Variants in PPTC7 observed in about 807,000 individuals in gnomAD.
PPTC7 encodes the protein protein phosphatase targeting COQ7, also known as protein phosphatase PTC7 homolog.
Under a neutral mutation model 30.8 loss-of-function variants are expected in PPTC7, and 6 were observed. The observed-to-expected ratio is 0.19, with a 90% CI of 0.11 to 0.38. PPTC7 has a LOEUF of 0.38. PPTC7 is among the 10% of genes least tolerant of loss of function. The probability of loss-of-function intolerance (pLI) is 1.00; values close to 1 mark genes in which losing one functional copy is unlikely to be tolerated. For missense variants in PPTC7, 218 were observed against 404.8 expected, an observed-to-expected ratio of 0.54 and a Z score of 3.96; for synonymous variants, 163 against 168.1, an observed-to-expected ratio of 0.97 and a Z score of 0.23.
chr12:110,571,746 T>G (rs911278353), intron 1 of PPTC7, among the ~76,000 whole-genome samples: 4 of 152,236 alleles, frequency 2.6e-5, no homozygotes, highest in Non-Finnish European at 5.9e-5. Context: ...ATACTAACCT[T>G]GTTATTCAAA....
At chr12:110,582,049 C>G (rs1034074113) in intron 1 of PPTC7, among the ~76,000 whole-genome samples, 1 of 152,192 alleles carries the variant, frequency 6.6e-6, no homozygotes, top group Admixed American at 6.5e-5. Context: ...CTCCCACCCC[C>G]AAAAGGTATA....
intron 1 of PPTC7, among the ~76,000 whole-genome samples, chr12:110,563,623 A>G (rs1479597325): frequency 6.6e-6 from 1 of 152,236 alleles, no homozygotes; most frequent in Non-Finnish European, 1.5e-5. Context: ...CTCAAAAAAA[A>G]AAAAAAGTGT....
chr12:110,545,749 C>T (rs1362174794), intron 3 of PPTC7, 131 bp downstream of exon 3: 2 of 767,870 alleles, frequency 2.6e-6, no homozygotes, highest in Non-Finnish European at 4.3e-6. Context: ...ACTAAAAGGT[C>T]CTCTTGATGA....
chr12:110,551,657 A>T, intron 2 of PPTC7, 132 bp downstream of exon 2: 1 of 835,238 alleles, frequency 1.2e-6, no homozygotes, highest in South Asian at 1.8e-5. Flanking sequence ...GTTAGCCTAT[A>T]GTTTCTCTAT....
rs1195419999 is a variant in PPTC7 at position 110,534,319 on chromosome 12, G to GA, written c.*2717dup. On this transcript the variant is annotated 3_prime_UTR_variant, in exon 6 of 6. Coordinates refer to ENST00000354300, the MANE Select transcript of PPTC7 (RefSeq NM_139283.2). Reference sequence around the variant, plus strand: ...ACTTTACTGGTCTTTGGTGCATCCAGAGAGGGATAAATAATTTGCCATTTG... The same window carrying GA: ...ACTTTACTGGTCTTTGGTGCATCCAGAAGAGGGATAAATAATTTGCCATTTG... 1 of 152,180 alleles carries GA rather than the reference G, an allele frequency of 6.6e-6. No individual in the cohort carries two copies. The highest frequency in any genetic ancestry group is 1.5e-5 in the Non-Finnish European group (1 of 68,046). The allele number at this position is 152,180 out of a possible 1,614,324, so 9.4% of individuals were successfully genotyped here. A position where few individuals can be genotyped will look rare whatever the true frequency, so the allele number is the denominator to read the frequency against.
intron 1 of PPTC7, among the ~76,000 whole-genome samples, chr12:110,581,301 C>G (rs758518864): frequency 6.6e-6 from 1 of 152,050 alleles, no homozygotes; most frequent in Non-Finnish European, 1.5e-5. Context: ...ATAATCCCAG[C>G]TACTCGGGAG....
intron 1 of PPTC7, among the ~76,000 whole-genome samples, chr12:110,553,010 C>T (rs1470583204): frequency 2.0e-5 from 3 of 151,930 alleles, no homozygotes; most frequent in Admixed American, 6.5e-5. Context: ...GGTGAAACCC[C>T]GTTTCTACTA....
Position 110,538,283 on chromosome 12 carries a change from A to T in PPTC7, c.727-10T>A. On this transcript the variant is annotated splice_polypyrimidine_tract_variant and intron_variant, in intron 4 of 5. Transcript: ENST00000354300. ...TCTCATAATTTGAATTCTAAGATAA[A>T]GCATGAGGAAGTTATTTTACCATAA... 1 of 1,612,682 alleles carries T rather than the reference A, an allele frequency of 6.2e-7. No individual in the cohort carries two copies. Among genetic ancestry groups the T allele is most frequent in the Non-Finnish European group, 8.5e-7 (1 of 1,178,752 alleles).
At position 110,533,306 on chromosome 12, in the gene PPTC7, T is replaced by G. The variant is rs1171880195; in HGVS notation, c.*3731A>C. On this transcript the variant is annotated 3_prime_UTR_variant, in exon 6 of 6. Transcript: ENST00000354300. ...GTTTATTTAAATGTATTTACAGAAC[T>G]ATTCCTGCATAAGTTATAATTCAGA... 1 of 152,198 alleles carries G rather than the reference T, an allele frequency of 6.6e-6. No homozygotes were observed. The highest frequency in any genetic ancestry group is 6.5e-5 in the Admixed American group (1 of 15,284). The allele number at this position is 152,198 out of a possible 1,614,324, so 9.4% of individuals were successfully genotyped here.
At chr12:110,559,357 C>T (rs982528009) in intron 1 of PPTC7, among the ~76,000 whole-genome samples, 6 of 151,090 alleles carry the variant, frequency 4.0e-5, no homozygotes. Flanking sequence ...AAAAGGGAAG[C>T]AAAAAGAGTA....
intron 1 of PPTC7, among the ~76,000 whole-genome samples, chr12:110,561,016 C>T (rs544295035): frequency 4.6e-5 from 7 of 152,302 alleles, no homozygotes; most frequent in Non-Finnish European, 8.8e-5. Flanking sequence ...AATTGAATAA[C>T]AGAAGTATCA....
chr12:110,566,350 T>C (rs1260678650), intron 1 of PPTC7, among the ~76,000 whole-genome samples: 1 of 152,212 alleles, frequency 6.6e-6, no homozygotes, highest in East Asian at 1.9e-4. Context: ...AATGATCTTT[T>C]CTAACTGGAA....
At chr12:110,539,692 A>G in intron 4 of PPTC7, 130 bp downstream of exon 4, 2 of 831,682 alleles carry the variant, frequency 2.4e-6, no homozygotes, top group South Asian at 2.1e-5. Context: ...GACCAGAGCT[A>G]TTATTATTTT....
At chr12:110,550,813 C>T (rs1373814296) in intron 2 of PPTC7, among the ~76,000 whole-genome samples, 1 of 152,216 alleles carries the variant, frequency 6.6e-6, no homozygotes, top group East Asian at 1.9e-4. Flanking sequence ...ACCGACTAAT[C>T]ACCTGTTAGC....
Position 110,567,448 on chromosome 12 carries a change from C to A in PPTC7, c.223+15361G>T, listed in dbSNP as rs183424363. ...ACTTGATCCTTCCTTTTGCATTTCCCACCCTAATTAATGGCAGCCCAGCTA... is the reference window on the plus strand; with the variant it reads ...ACTTGATCCTTCCTTTTGCATTTCCAACCCTAATTAATGGCAGCCCAGCTA... On this transcript the variant is annotated intron_variant, in intron 1 of 5. Transcript: ENST00000354300. Among the ~76,000 whole-genome samples the A allele has an allele frequency of 5.9e-5, 9 of 152,328 alleles. No individual in the cohort carries two copies. In the East Asian group the frequency reaches 1.7e-3, roughly 29 times the overall value.
Position 110,583,062 on chromosome 12 carries a change from G to C in PPTC7, c.-31C>G, listed in dbSNP as rs575362760. On this transcript the variant is annotated 5_prime_UTR_variant, in exon 1 of 6. Coordinates refer to ENST00000354300, the MANE Select transcript of PPTC7 (RefSeq NM_139283.2). Reference sequence around the variant, plus strand: ...CCGCCGCCCCCCCGAGGAGGCGGGGGGCCGGGGGAGCAGGAGGACGCGGAG... The same window carrying C: ...CCGCCGCCCCCCCGAGGAGGCGGGGCGCCGGGGGAGCAGGAGGACGCGGAG... 7.3e-7 allele frequency: 1 copy of C among 1,363,782 alleles called. No individual in the cohort carries two copies. Among genetic ancestry groups the C allele is most frequent in the South Asian group, 1.7e-5 (1 of 57,254 alleles). 84.5% of individuals were successfully genotyped at this position (1,363,782 alleles called of 1,614,324 possible).
In PPTC7 at chr12:110,538,166, A is replaced by G; in HGVS notation, c.834T>C (p.Cys278=). 1 of 1,614,138 alleles carries G rather than the reference A, an allele frequency of 6.2e-7. No individual in the cohort carries two copies. The highest frequency in any genetic ancestry group is 8.5e-7 in the Non-Finnish European group (1 of 1,180,012). The stretch of plus-strand genomic sequence containing the variant: ...TACCTCTCACATTCAATCCATTGTC[A>G]CATGCAAACTGTGCAAAAGGTGACA... ...NYMSPFAQFA[C]DNGLNVRGGK... The change falls in exon 5 of 6, where the codon TGT becomes TGC. Residue 278 remains cysteine, a synonymous_variant. Coordinates refer to ENST00000354300, the MANE Select transcript of PPTC7 (RefSeq NM_139283.2).
chr12:110,551,672 C>T, intron 2 of PPTC7, 117 bp downstream of exon 2: 2 of 945,804 alleles, frequency 2.1e-6, no homozygotes. Context: ...CTCTATCACA[C>T]TCTGCTTAGT....
chr12:110,577,341 T>C (rs1004270277), intron 1 of PPTC7, among the ~76,000 whole-genome samples: 23 of 147,588 alleles, frequency 1.6e-4, no homozygotes, highest in African/African-American at 5.5e-4. Flanking sequence ...ATAATGAGAG[T>C]GGTGTCCTGA....
Sources: allele counts gnomAD v4.1 joint callset (sites outside exome capture counted in the v4.1 genomes callset), GRCh38; gene constraint gnomAD v4.1.1; transcripts MANE v1.5; gene names NCBI Gene and HGNC (gene_info 2026-07-23, HGNC 2026-07-21).